The following PTPRM variants were observed in gnomAD, a reference collection of about 807,000 sequenced individuals.
The protein encoded by PTPRM is protein tyrosine phosphatase receptor type M, also known as receptor-type tyrosine-protein phosphatase mu.
In PTPRM, 47 loss-of-function variants were observed where a neutral mutation model predicts 186.7. The ratio of observed to expected loss-of-function variants is 0.25; its 90% CI spans 0.20 to 0.32. The LOEUF is 0.32. PTPRM is among the 10% of genes least tolerant of loss of function. The probability of loss-of-function intolerance (pLI) is 1.00; values close to 1 mark genes in which losing one functional copy is unlikely to be tolerated. For synonymous variants in PTPRM, 668 were observed against 674.9 expected, an observed-to-expected ratio of 0.99 and a Z score of 0.16; for missense variants, 1,494 against 1,865.0, an observed-to-expected ratio of 0.80 and a Z score of 3.66.
intron 2 of PTPRM, among the ~76,000 whole-genome samples, chr18:7,881,085 G>A (rs1161518769): frequency 1.3e-5 from 2 of 152,132 alleles, no homozygotes; most frequent in Admixed American, 6.5e-5. Context: ...GTATGTGTGT[G>A]TGTAGGTAAA....
intron 2 of PTPRM, among the ~76,000 whole-genome samples, chr18:7,845,844 G>T (rs983737930): frequency 3.3e-5 from 5 of 152,076 alleles, no homozygotes; most frequent in East Asian, 1.9e-4. Context: ...CATACAGGAT[G>T]ACTCTTAAGG....
At chr18:7,833,863 G>T (rs557509671) in intron 2 of PTPRM, among the ~76,000 whole-genome samples, 19 of 152,280 alleles carry the variant, frequency 1.2e-4, no homozygotes, top group African/African-American at 4.3e-4. Flanking sequence ...ATAGGTTTTG[G>T]ATAGCATCTT....
At chr18:7,778,635 A>C (rs1409970366) in intron 2 of PTPRM, among the ~76,000 whole-genome samples, 1 of 151,598 alleles carries the variant, frequency 6.6e-6, no homozygotes, top group Non-Finnish European at 1.5e-5. Flanking sequence ...ACCCACCACC[A>C]CACCCAGCTA....
chr18:7,938,019 T>C (rs1349423029), intron 5 of PTPRM, among the ~76,000 whole-genome samples: 1 of 152,192 alleles, frequency 6.6e-6, no homozygotes, highest in Non-Finnish European at 1.5e-5. Context: ...AATTGGCCAT[T>C]TTTCCAGGGA....
chr18:8,359,665 A>T (rs1288819929), intron 23 of PTPRM, among the ~76,000 whole-genome samples: 1 of 152,236 alleles, frequency 6.6e-6, no homozygotes, highest in Non-Finnish European at 1.5e-5. Context: ...TGTGTAGCAG[A>T]TGGACAAGTG....
chr18:7,867,334 AC>A (rs1181304172), intron 2 of PTPRM, among the ~76,000 whole-genome samples: 1 of 152,162 alleles, frequency 6.6e-6, no homozygotes, highest in African/African-American at 2.4e-5. Context: ...AGTGGCTGGT[AC>A]TGGTTGTTCC....
intron 23 of PTPRM, among the ~76,000 whole-genome samples, chr18:8,350,326 T>C (rs2095527826): frequency 6.6e-6 from 1 of 152,228 alleles, no homozygotes; most frequent in Admixed American, 6.5e-5. Flanking sequence ...GTATGGTACA[T>C]GTATGTTTAC....
intron 4 of PTPRM, among the ~76,000 whole-genome samples, chr18:7,912,674 G>C (rs2146628934): frequency 7.2e-6 from 1 of 138,574 alleles, no homozygotes; most frequent in East Asian, 2.3e-4. Context: ...ACCACGCCCG[G>C]CTAATTTTTT....
chr18:7,872,341 A>G (rs2048025129), intron 2 of PTPRM, among the ~76,000 whole-genome samples: 1 of 152,212 alleles, frequency 6.6e-6, no homozygotes. Context: ...TCACTGCCTT[A>G]GATTACCATT....
At chr18:7,745,128 TAA>T (rs1358601999) in intron 1 of PTPRM, among the ~76,000 whole-genome samples, 1 of 151,972 alleles carries the variant, frequency 6.6e-6, no homozygotes, top group Non-Finnish European at 1.5e-5. Context: ...ATAATTTTAA[TAA>T]GTGGTACTTC....
rs572270507 is a variant in PTPRM, at chr18:7,954,969, A to T, written c.839-152A>T. ...GAATGCTATGAAAATCTTTTTCAAC[A>T]TACTTTTTCTTGTTAACCCAAACAA... On this transcript the variant is annotated intron_variant, in intron 6 of 32. Coordinates refer to ENST00000580170, the MANE Select transcript of PTPRM (RefSeq NM_001105244.2). 8.2e-6 allele frequency: 6 copies of T among 727,646 alleles called. No individual in the cohort carries two copies. In the South Asian group the frequency reaches 1.3e-4, roughly 16 times the overall value. 45.1% of individuals were successfully genotyped at this position (727,646 alleles called of 1,614,324 possible). A position where few individuals can be genotyped will look rare whatever the true frequency, so the allele number is the denominator to read the frequency against.
chr18:7,729,331 G>T (rs2040609885), intron 1 of PTPRM, among the ~76,000 whole-genome samples: 1 of 152,094 alleles, frequency 6.6e-6, no homozygotes, highest in African/African-American at 2.4e-5. Flanking sequence ...TTTGGCACAG[G>T]TGTTGTGTGA....
chr18:8,026,180 T>TA (rs565830367), intron 7 of PTPRM, among the ~76,000 whole-genome samples: 178 of 152,334 alleles, frequency 1.2e-3, no homozygotes, highest in African/African-American at 4.0e-3. Flanking sequence ...TTTCTCAGCT[T>TA]ACCTCTGGGT....
chr18:8,387,197 G>A lies in PTPRM; in HGVS notation c.4170G>A (p.Glu1390=), dbSNP rs593978. 1,107,842 of 1,612,254 alleles carry A rather than the reference G, an allele frequency of 0.69. 383,657 individuals carry two copies. The highest frequency in any genetic ancestry group is 0.8 in the Admixed American group (48,188 of 60,018). ...GCCAGGTGGACAAGTGGCAAGAGGA[G>A]TACAATGGCGGGGAAGGCCGCACGG... The part of the protein sequence containing the change: ...LIRQVDKWQE[E]YNGGEGRTVV... The change falls in exon 31 of 33, where the codon GAG becomes GAA. Residue 1390 remains glutamate (E), a synonymous_variant. Coordinates refer to ENST00000580170, the MANE Select transcript of PTPRM (RefSeq NM_001105244.2).
At chr18:7,972,260 A>G (rs1243468516) in intron 7 of PTPRM, among the ~76,000 whole-genome samples, 4 of 130,572 alleles carry the variant, frequency 3.1e-5, no homozygotes, top group South Asian at 4.9e-4. Context: ...GAATTGAACA[A>G]TGAGATCACA....
At chr18:8,251,331 G>A (rs1001419686) in intron 17 of PTPRM, among the ~76,000 whole-genome samples, 3 of 152,134 alleles carry the variant, frequency 2.0e-5, no homozygotes, top group Non-Finnish European at 4.4e-5. Context: ...AGGCACAGAG[G>A]GGAAACTAAT....
In PTPRM at chr18:8,298,377, C is replaced by T. The variant is rs144911720; in HGVS notation, c.2842+1922C>T. Reference sequence around the variant, plus strand: ...GAAGAGACATTGCTGAGCCTATAACCTCATCATTGTGGCATCACTGATGTG... The same window carrying T: ...GAAGAGACATTGCTGAGCCTATAACTTCATCATTGTGGCATCACTGATGTG... On this transcript the variant is annotated intron_variant, in intron 20 of 32. Transcript: ENST00000580170. 6.6e-5 allele frequency among the ~76,000 whole-genome samples: 10 copies of T among 152,280 alleles called. No individual in the cohort carries two copies. The East Asian group carries it at 1.9e-3, about 29-fold the overall frequency.
chr18:8,161,291 C>A (rs2093224513), intron 14 of PTPRM, among the ~76,000 whole-genome samples: 1 of 152,058 alleles, frequency 6.6e-6, no homozygotes, highest in Non-Finnish European at 1.5e-5. Context: ...TTTGTAGTCA[C>A]AATTGTCAAG....
chr18:8,017,645 A>G (rs1468282365), intron 7 of PTPRM: 2 of 150,422 alleles, frequency 1.3e-5, no homozygotes, highest in South Asian at 2.1e-4. Context: ...CACACTTTTT[A>G]CTAAAAAAAT....
Sources: gnomAD v4.1 joint callset for allele counts (sites outside exome capture counted in the v4.1 genomes callset) on GRCh38, gnomAD v4.1.1 for gene constraint, MANE v1.5 for transcripts, NCBI Gene and HGNC (gene_info 2026-07-23, HGNC 2026-07-21) for gene names.